WDFY3: variants seen among roughly 807,000 people sequenced by gnomAD.
WDFY3 encodes WD repeat and FYVE domain-containing protein 3.
WDFY3 carries 66 observed loss-of-function variants against 409.6 expected under a neutral mutation model. That is an observed-to-expected ratio of 0.16 (90% CI 0.13 to 0.20). WDFY3 has a LOEUF of 0.20. WDFY3 is among the 10% of genes least tolerant of loss of function. WDFY3 has a pLI of 1.00. For synonymous variants in WDFY3, 1,521 were observed against 1,537.1 expected (o/e 0.99, Z 0.25); for missense variants, 3,031 against 4,298.1 (o/e 0.71, Z 8.24).
intron 67 of WDFY3, 86 bp from the exon 68 acceptor site, chr4:84,673,077 C>T: frequency 6.4e-7 from 1 of 1,572,192 alleles, no homozygotes. Context: ...GAATGGAAAG[C>T]TTGCAGTAAA....
chr4:84,858,266 T>C (rs910160052), intron 4 of WDFY3, among the ~76,000 whole-genome samples: 3 of 151,982 alleles, frequency 2.0e-5, no homozygotes, highest in South Asian at 2.1e-4. Context: ...AGCCCAGAAA[T>C]TGAAGGTGAC....
chr4:84,821,779 A>G (rs1754102770), intron 10 of WDFY3, among the ~76,000 whole-genome samples: 1 of 152,234 alleles, frequency 6.6e-6, no homozygotes, highest in African/African-American at 2.4e-5. Flanking sequence ...TCAATTCAAA[A>G]ATAGTGTATG....
At chr4:84,924,469 A>G (rs993800805) in intron 2 of WDFY3, among the ~76,000 whole-genome samples, 1 of 152,222 alleles carries the variant, frequency 6.6e-6, no homozygotes, top group African/African-American at 2.4e-5. Flanking sequence ...AGTACCTACC[A>G]TATGCCAGGC....
chr4:84,831,477 A>G lies in WDFY3; in HGVS notation c.705T>C (p.Ala235=). The G allele has an allele frequency of 6.2e-7, 1 of 1,614,096 alleles. No homozygotes were observed. The highest frequency in any genetic ancestry group is 8.5e-7 in the Non-Finnish European group (1 of 1,179,998). The change falls in exon 8 of 68, where the codon GCT becomes GCC. Residue 235 remains alanine, a synonymous_variant. Transcript: ENST00000295888. ...GAGATATGGTCATGAGGACTTCTCC[A>G]GCACTCTTTCTCCAAGGCAGGTTAT... ...PPYNLPWRKS[A]GEVLMTISRH... is the part of the protein sequence containing the mutation.
At chr4:84,870,409 T>C (rs1054313813) in intron 3 of WDFY3, among the ~76,000 whole-genome samples, 4 of 152,080 alleles carry the variant, frequency 2.6e-5, no homozygotes, top group Non-Finnish European at 5.9e-5. Flanking sequence ...TCTGCAGCCA[T>C]GAACTGGTAG....
At chr4:84,785,864 C>T in intron 24 of WDFY3, 115 bp downstream of exon 24, 1 of 1,296,488 alleles carries the variant, frequency 7.7e-7, no homozygotes, top group South Asian at 1.4e-5. Context: ...ATAAACAATA[C>T]ATGAAAGGCA....
At chr4:84,703,600 C>T (rs1731428395) in intron 55 of WDFY3, among the ~76,000 whole-genome samples, 1 of 152,208 alleles carries the variant, frequency 6.6e-6, no homozygotes, top group South Asian at 2.1e-4. Flanking sequence ...AGGTACAAGC[C>T]TGCCTTAGAG....
intron 7 of WDFY3, among the ~76,000 whole-genome samples, chr4:84,833,648 T>C (rs1054456861): frequency 2.9e-5 from 4 of 136,660 alleles, no homozygotes; most frequent in Non-Finnish European, 6.4e-5. Context: ...AGTGAGACCT[T>C]GTCTCAAAAG....
chr4:84,946,305 G>C (rs1772821233), intron 1 of WDFY3, among the ~76,000 whole-genome samples: 1 of 152,186 alleles, frequency 6.6e-6, no homozygotes, highest in African/African-American at 2.4e-5. Context: ...TCACTGGTGT[G>C]TGATAAGTAC....
intron 5 of WDFY3, among the ~76,000 whole-genome samples, chr4:84,846,208 T>C (rs893755301): frequency 3.9e-5 from 6 of 151,990 alleles, no homozygotes; most frequent in Admixed American, 3.9e-4. Context: ...AGCTTAAAAC[T>C]AAAAATTATG....
At chr4:84,798,534 C>A (rs576398613) in intron 17 of WDFY3, among the ~76,000 whole-genome samples, 2 of 152,158 alleles carry the variant, frequency 1.3e-5, no homozygotes, top group South Asian at 4.1e-4. Context: ...AGAAGAACCC[C>A]AACTCAAATA....
At chr4:84,873,831 G>A (rs1762431039) in intron 3 of WDFY3, among the ~76,000 whole-genome samples, 1 of 151,480 alleles carries the variant, frequency 6.6e-6, no homozygotes, top group Admixed American at 6.6e-5. Context: ...AACCCATGCT[G>A]GAGTGCAGCG....
chr4:84,685,488 T>C (rs1424169887), intron 62 of WDFY3, among the ~76,000 whole-genome samples: 1 of 152,232 alleles, frequency 6.6e-6, no homozygotes, highest in Non-Finnish European at 1.5e-5. Context: ...TTTCTGACTA[T>C]AAGTGTCAGC....
intron 3 of WDFY3, among the ~76,000 whole-genome samples, chr4:84,880,674 C>CACACACATATATAT (rs1218696740): frequency 4.0e-5 from 2 of 50,356 alleles, no homozygotes; most frequent in Non-Finnish European, 6.7e-5. Context: ...GGGAACCATA[C>CACACACATATATAT]ATATATATAT....
chr4:84,784,263 T>C (rs1046252051), intron 24 of WDFY3, among the ~76,000 whole-genome samples: 1 of 152,216 alleles, frequency 6.6e-6, no homozygotes, highest in Admixed American at 6.5e-5. Context: ...GGTGAATACA[T>C]GTAGACTCAT....
chr4:84,779,627 T>C (rs1746168124), intron 26 of WDFY3, among the ~76,000 whole-genome samples: 1 of 152,102 alleles, frequency 6.6e-6, no homozygotes, highest in Non-Finnish European at 1.5e-5. Flanking sequence ...ACTTATTATG[T>C]AGTGGCTTTC....
At chr4:84,881,663 G>C (rs1229541914) in intron 3 of WDFY3, among the ~76,000 whole-genome samples, 1 of 151,848 alleles carries the variant, frequency 6.6e-6, no homozygotes, top group African/African-American at 2.4e-5. Flanking sequence ...GAGGCAAGCT[G>C]ATGGCTTGAG....
intron 44 of WDFY3, among the ~76,000 whole-genome samples, chr4:84,732,634 C>T (rs2149166155): frequency 6.6e-6 from 1 of 152,198 alleles, no homozygotes; most frequent in East Asian, 1.9e-4. Flanking sequence ...TAGTATTTGT[C>T]CTTCGTACCT....
Position 84,860,262 on chromosome 4 carries a change from T to C in WDFY3, c.180+150A>G, listed in dbSNP as rs370651862. ...TTTCACATCAAGTCACACTGCTTTATAGCAAATTGAAAACATGAAACGAGA... is the reference window on the plus strand; with the variant it reads ...TTTCACATCAAGTCACACTGCTTTACAGCAAATTGAAAACATGAAACGAGA... On this transcript the variant is annotated intron_variant, in intron 4 of 67. Transcript: ENST00000295888. 115 of 878,422 alleles carry C rather than the reference T, an allele frequency of 1.3e-4. 1 individual carries two copies. The highest frequency in any genetic ancestry group is 1.1e-3 in the East Asian group (41 of 37,332). The allele number at this position is 878,422 out of a possible 1,614,324, so 54.4% of individuals were successfully genotyped here.
Sources: allele counts gnomAD v4.1 joint callset (sites outside exome capture counted in the v4.1 genomes callset), GRCh38; gene constraint gnomAD v4.1.1; transcripts MANE v1.5; gene names NCBI Gene and HGNC (gene_info 2026-07-23, HGNC 2026-07-21).